The following CACUL1 variants were observed in gnomAD, a reference collection of about 807,000 sequenced individuals.
CACUL1 encodes CDK2 associated cullin domain 1.
CACUL1 carries 13 observed loss-of-function variants against 45.2 expected under a neutral mutation model. That is an observed-to-expected ratio of 0.29 (90% CI 0.19 to 0.46). The LOEUF (loss-of-function observed/expected upper bound fraction) is 0.46, where lower values mean the gene tolerates loss of function less well. CACUL1 is among the 20% of genes least tolerant of loss of function. The probability of loss-of-function intolerance (pLI) is 1.00; values close to 1 mark genes in which losing one functional copy is unlikely to be tolerated. For synonymous variants in CACUL1, 197 were observed against 174.2 expected, an observed-to-expected ratio of 1.13 and a Z score of -1.03; for missense variants, 421 against 471.4, an observed-to-expected ratio of 0.89 and a Z score of 0.99.
chr10:118,754,399 A>T lies in CACUL1; in HGVS notation c.364T>A (p.Phe122Ile). ...TGCAGGGAAAGGCTGGACTCACAGA[A>T]CTTGGAGGTGGAGGTGTTGATGTTG... ...TININTSTSK[F>I]LMNVITIEDY... The change falls in exon 1 of 9, where the codon TTC (phenylalanine) becomes ATC (isoleucine). Residue 122 changes from phenylalanine to isoleucine, a missense_variant. Phe to Ile is a conservative substitution (Grantham distance 21, BLOSUM62 0). Around this residue, in one of 2 missense-constraint regions of CACUL1, gnomAD observed 213 missense variants for 173.1 expected, o/e 1.23. Coordinates refer to ENST00000369151, the MANE Select transcript of CACUL1 (RefSeq NM_153810.5). 1 of 1,558,616 alleles carries T rather than the reference A, an allele frequency of 6.4e-7. No homozygotes were observed. The highest frequency in any genetic ancestry group is 8.7e-7 in the Non-Finnish European group (1 of 1,152,984).
At chr10:118,716,867 G>A (rs1298385763) in intron 3 of CACUL1, among the ~76,000 whole-genome samples, 1 of 152,172 alleles carries the variant, frequency 6.6e-6, no homozygotes, top group East Asian at 1.9e-4. Flanking sequence ...CTCCCAAAGT[G>A]CTGGGATTAC....
Position 118,679,196 on chromosome 10 carries a change from C to A in CACUL1, c.*6932G>T, listed in dbSNP as rs539448589. The A allele has an allele frequency of 7.9e-5, 12 of 151,926 alleles. No individual in the cohort carries two copies. Among genetic ancestry groups the A allele is most frequent in the Non-Finnish European group, 1.5e-4 (10 of 68,046 alleles). 9.4% of individuals were successfully genotyped at this position (151,926 alleles called of 1,614,324 possible). A position where few individuals can be genotyped will look rare whatever the true frequency, so the allele number is the denominator to read the frequency against. The stretch of plus-strand genomic sequence containing the variant: ...CTAGGACTAAAAGCAGGTACCACCA[C>A]GCCCAACTTTTTTTGTGTTTTTTTG... On this transcript the variant is annotated 3_prime_UTR_variant, in exon 9 of 9. Coordinates refer to ENST00000369151, the MANE Select transcript of CACUL1 (RefSeq NM_153810.5).
At chr10:118,712,883 A>G (rs142627368) in intron 3 of CACUL1, among the ~76,000 whole-genome samples, 11 of 152,328 alleles carry the variant, frequency 7.2e-5, no homozygotes, top group African/African-American at 2.4e-4. Flanking sequence ...AAAAGGCACC[A>G]CAAGTTCCCA....
chr10:118,711,650 A>G (rs894629630), intron 3 of CACUL1, among the ~76,000 whole-genome samples: 1 of 152,252 alleles, frequency 6.6e-6, no homozygotes, highest in African/African-American at 2.4e-5. Flanking sequence ...AAGTATAAAC[A>G]TTGATCAAAA....
At chr10:118,751,912 C>A (rs1413182022) in intron 1 of CACUL1, among the ~76,000 whole-genome samples, 1 of 152,096 alleles carries the variant, frequency 6.6e-6, no homozygotes, top group African/African-American at 2.4e-5. Flanking sequence ...CGGGTTGATT[C>A]CTAGAGACTT....
Position 118,678,844 on chromosome 10 carries a change from T to C in CACUL1, c.*7284A>G, listed in dbSNP as rs1228215824. 1.3e-5 allele frequency: 2 copies of C among 152,226 alleles called. No individual in the cohort carries two copies. Among genetic ancestry groups the C allele is most frequent in the African/African-American group, 2.4e-5 (1 of 41,462 alleles). 9.4% of individuals were successfully genotyped at this position (152,226 alleles called of 1,614,324 possible). A position where few individuals can be genotyped will look rare whatever the true frequency, so the allele number is the denominator to read the frequency against. The stretch of plus-strand genomic sequence containing the variant: ...ATGTGTTTTATGTATGTGTGTGTTA[T>C]GTATCTGTCAGATCAAATTGATTAG... On this transcript the variant is annotated 3_prime_UTR_variant, in exon 9 of 9. Transcript: ENST00000369151.
At chr10:118,728,308 G>A (rs1845669622) in intron 3 of CACUL1, among the ~76,000 whole-genome samples, 1 of 142,964 alleles carries the variant, frequency 7.0e-6, no homozygotes, top group Non-Finnish European at 1.5e-5. Flanking sequence ...CTATTGCTGA[G>A]TGACTTTTCT....
rs1845203198 is a variant in CACUL1 at position 118,686,172 on chromosome 10, A to G, written c.1070-4T>C. The G allele has an allele frequency of 6.2e-7, 1 of 1,610,896 alleles. No homozygotes were observed. The highest frequency in any genetic ancestry group is 1.3e-5 in the African/African-American group (1 of 74,836). ...CTTGCACATGCTGACGAGCTATCTGAAAAAACATCAGAATAGGAAAAAGTA... is the reference window on the plus strand; with the variant it reads ...CTTGCACATGCTGACGAGCTATCTGGAAAAACATCAGAATAGGAAAAAGTA... On this transcript the variant is annotated splice_region_variant and splice_polypyrimidine_tract_variant and intron_variant, in intron 8 of 8. Coordinates refer to ENST00000369151, the MANE Select transcript of CACUL1 (RefSeq NM_153810.5).
chr10:118,694,765 G>C (rs900521510), intron 6 of CACUL1, among the ~76,000 whole-genome samples: 5 of 152,128 alleles, frequency 3.3e-5, no homozygotes, highest in African/African-American at 1.2e-4. Context: ...TAGATTCTTC[G>C]CAAGTTACTT....
intron 7 of CACUL1, among the ~76,000 whole-genome samples, chr10:118,689,267 T>C (rs1313577693): frequency 6.6e-6 from 1 of 152,190 alleles, no homozygotes; most frequent in East Asian, 1.9e-4. Flanking sequence ...AGGTGGCATG[T>C]GCACGTCCTT....
intron 3 of CACUL1, among the ~76,000 whole-genome samples, chr10:118,717,879 C>T (rs935058525): frequency 1.3e-5 from 2 of 152,026 alleles, no homozygotes; most frequent in African/African-American, 4.8e-5. Flanking sequence ...CAAGATGTGC[C>T]GGGCTTAGTA....
intron 1 of CACUL1, among the ~76,000 whole-genome samples, chr10:118,749,263 C>A (rs568574134): frequency 6.6e-6 from 1 of 152,234 alleles, no homozygotes; most frequent in Admixed American, 6.5e-5. Context: ...GAAATAACTT[C>A]CAGATATAAA....
rs1042629120 is a variant in CACUL1, at chr10:118,729,165, T to G, written c.597+130A>C. On this transcript the variant is annotated intron_variant, in intron 3 of 8. Transcript: ENST00000369151. ...AAAAATTACATGATTTGATCAACAT[T>G]CACCTAGAAAACATTTATAAATTTA... The G allele has an allele frequency of 7.8e-6, 5 of 640,360 alleles. No homozygotes were observed. The Admixed American group carries it at 1.3e-4, about 17-fold the overall frequency. The allele number at this position is 640,360 out of a possible 1,614,324, so 39.7% of individuals were successfully genotyped here.
intron 1 of CACUL1, among the ~76,000 whole-genome samples, chr10:118,754,143 T>C (rs932058521): frequency 1.3e-4 from 20 of 152,054 alleles, no homozygotes; most frequent in African/African-American, 4.8e-4. Flanking sequence ...AACTTGGGGC[T>C]CCGTGTGTAC....
chr10:118,730,448 A>T, intron 1 of CACUL1, 38 bp from the exon 2 acceptor site: 1 of 1,556,666 alleles, frequency 6.4e-7, no homozygotes, highest in Non-Finnish European at 8.7e-7. Context: ...ACTACGTGCC[A>T]CATGTGGAGC....
intron 7 of CACUL1, among the ~76,000 whole-genome samples, chr10:118,690,678 T>C (rs902999766): frequency 3.3e-5 from 5 of 152,196 alleles, no homozygotes; most frequent in African/African-American, 9.6e-5. Flanking sequence ...ACAGGACTAA[T>C]ACAAGAAAAT....
Position 118,754,742 on chromosome 10 carries a change from C to T in CACUL1, c.21G>A (p.Glu7=). 1.3e-6 allele frequency: 2 copies of T among 1,593,954 alleles called. No individual in the cohort carries two copies. Among genetic ancestry groups the T allele is most frequent in the Non-Finnish European group, 1.7e-6 (2 of 1,172,314 alleles). The part of the protein sequence containing the change: MEESME[E]EEGGSYEAMM... ...TCGCCTCGTAGCTGCCCCCCTCCTC[C>T]TCTTCCATGCTTTCCTCCATCCTGC... The change falls in exon 1 of 9, where the codon GAG becomes GAA. Residue 7 remains glutamate (E), a synonymous_variant. Coordinates refer to ENST00000369151, the MANE Select transcript of CACUL1 (RefSeq NM_153810.5).
At chr10:118,737,706 AC>A (rs1170015081) in intron 1 of CACUL1, among the ~76,000 whole-genome samples, 17 of 135,986 alleles carry the variant, frequency 1.3e-4, no homozygotes, top group Non-Finnish European at 2.6e-4. Context: ...AAAAAAAAAA[AC>A]CTAGCTGTAG....
At position 118,682,405 on chromosome 10, in the gene CACUL1, A is replaced by G. The variant is rs367863306; in HGVS notation, c.*3723T>C. The stretch of plus-strand genomic sequence containing the variant: ...TTAACTGCTATAAAACGGGAAAAAA[A>G]GTAGAAGAAAATAAAGCCAGCCTCA... On this transcript the variant is annotated 3_prime_UTR_variant, in exon 9 of 9. Transcript: ENST00000369151. 1.3e-4 allele frequency: 20 copies of G among 152,412 alleles called. No individual in the cohort carries two copies. The highest frequency in any genetic ancestry group is 4.6e-4 in the African/African-American group (19 of 41,484). The allele number at this position is 152,412 out of a possible 1,614,324, so 9.4% of individuals were successfully genotyped here.
Sources: gnomAD v4.1 joint callset for allele counts (sites outside exome capture counted in the v4.1 genomes callset) on GRCh38, gnomAD v4.1.1 for gene constraint, gnomAD v4.1.1 regional missense constraint, MANE v1.5 for transcripts, NCBI Gene and HGNC (gene_info 2026-07-23, HGNC 2026-07-21) for gene names.